The following SPTAN1 variants were observed in gnomAD, a reference collection of about 807,000 sequenced individuals.
The protein encoded by SPTAN1 is spectrin alpha, non-erythrocytic 1.
Under a neutral mutation model 331.3 loss-of-function variants are expected in SPTAN1, and 61 were observed. That is an observed-to-expected ratio of 0.18 (90% CI 0.15 to 0.23). SPTAN1 has a LOEUF of 0.23. SPTAN1 is among the 10% of genes least tolerant of loss of function. The probability of loss-of-function intolerance (pLI) is 1.00; values close to 1 mark genes in which losing one functional copy is unlikely to be tolerated. For missense variants in SPTAN1, 2,043 were observed against 3,147.9 expected (o/e 0.65, Z 8.40); for synonymous variants, 1,153 against 1,173.9 (o/e 0.98, Z 0.36).
chr9:128,629,985 C>G lies in SPTAN1; in HGVS notation c.6708-336C>G, dbSNP rs780506377. 6.0e-5 allele frequency: 25 copies of G among 419,962 alleles called. No individual in the cohort carries two copies. Among genetic ancestry groups the G allele is most frequent in the Non-Finnish European group, 1.0e-4 (22 of 216,446 alleles). The allele number at this position is 419,962 out of a possible 1,614,324, so 26.0% of individuals were successfully genotyped here. On this transcript the variant is annotated intron_variant, in intron 51 of 56. Coordinates refer to ENST00000372739, the MANE Select transcript of SPTAN1 (RefSeq NM_001130438.3). The surrounding 1 kb of genome is among the most constrained non-coding windows in gnomAD (Gnocchi z 4.9). ...GGGTGTGCCATCCCCCACATGGCTG[C>G]AGAGAGGATGCTCAGACAGGCCTGC...
At chr9:128,556,621 GAATCTTTTGCTTTCTTAAAGCT>G (rs1202274383) in intron 1 of SPTAN1, among the ~76,000 whole-genome samples, 5 of 152,212 alleles carry the variant, frequency 3.3e-5, no homozygotes, top group African/African-American at 4.8e-5. Flanking sequence ...AATGCAGTAT[GAATCTTTTGCTTTCTTAAAGCT>G]AAGTCCCTGC....
chr9:128,614,334 G>A (rs1208120705), intron 40 of SPTAN1, among the ~76,000 whole-genome samples: 1 of 152,142 alleles, frequency 6.6e-6, no homozygotes, highest in Non-Finnish European at 1.5e-5. Flanking sequence ...AGTCATGCCT[G>A]TAATCGTAGC....
rs1483477120 is a variant in SPTAN1 at position 128,577,595 on chromosome 9, C to T, written c.1085+89C>T. The T allele has an allele frequency of 1.9e-6, 3 of 1,561,606 alleles. No individual in the cohort carries two copies. The highest frequency in any genetic ancestry group is 1.8e-6 in the Non-Finnish European group (2 of 1,138,560). ...CAGAGTTAAGGGTCTGTTCTGTGTTCTGTGAAAGTGTCAGGTATCACCTAC... is the reference window on the plus strand; with the variant it reads ...CAGAGTTAAGGGTCTGTTCTGTGTTTTGTGAAAGTGTCAGGTATCACCTAC... On this transcript the variant is annotated intron_variant, in intron 8 of 56. Coordinates refer to ENST00000372739, the MANE Select transcript of SPTAN1 (RefSeq NM_001130438.3). This position sits in a 1 kb window ranked among gnomAD's most constrained non-coding sequence, Gnocchi z 4.2.
At chr9:128,594,038 T>G in intron 23 of SPTAN1, 137 bp from the exon 24 acceptor site, 1 of 805,982 alleles carries the variant, frequency 1.2e-6, no homozygotes, top group South Asian at 1.4e-5. Context: ...CTGATAACTC[T>G]GTTACTAGGG....
chr9:128,594,473 C>A, intron 24 of SPTAN1, 100 bp downstream of exon 24: 2 of 1,148,456 alleles, frequency 1.7e-6, no homozygotes, highest in Non-Finnish European at 1.2e-6. Context: ...CACTGTCATC[C>A]AAGCTGGAGT....
intron 20 of SPTAN1, among the ~76,000 whole-genome samples, chr9:128,588,556 C>T (rs1420994969): frequency 6.6e-6 from 1 of 152,060 alleles, no homozygotes; most frequent in East Asian, 1.9e-4. Flanking sequence ...GGTGATCTGC[C>T]TGCCTCAGCC....
Position 128,617,969 on chromosome 9 carries a change from C to G in SPTAN1, c.5479-18C>G. 1 of 1,614,184 alleles carries G rather than the reference C, an allele frequency of 6.2e-7. No homozygotes were observed. Among genetic ancestry groups the G allele is most frequent in the Non-Finnish European group, 8.5e-7 (1 of 1,180,028 alleles). ...AGAAGAGCTACCTGCTGTTAACCTC[C>G]TCGTCCTTGCCTGTCAGGGTGTCCT... On this transcript the variant is annotated intron_variant, in intron 42 of 56. Coordinates refer to ENST00000372739, the MANE Select transcript of SPTAN1 (RefSeq NM_001130438.3).
chr9:128,626,058 A>G (rs767728151), intron 48 of SPTAN1, 80 bp downstream of exon 48: 238 of 1,542,996 alleles, frequency 1.5e-4, no homozygotes, highest in Non-Finnish European at 2.1e-4. Flanking sequence ...CAGCTCTGCC[A>G]CTCCCCCTTG....
intron 56 of SPTAN1, 119 bp from the exon 57 acceptor site, chr9:128,633,090 G>A (rs1860073301): frequency 1.9e-6 from 3 of 1,593,804 alleles, no homozygotes; most frequent in Non-Finnish European, 8.6e-7. Context: ...AGTATGGACA[G>A]AAGTCCCGGA....
At position 128,624,086 on chromosome 9, in the gene SPTAN1, C is replaced by CAA. The variant is rs11444346; in HGVS notation, c.5833-217_5833-216dup. 3.7e-3 allele frequency among the ~76,000 whole-genome samples: 245 copies of CAA among 66,684 alleles called. 16 individuals carry two copies. The highest frequency in any genetic ancestry group is 6.7e-3 in the Non-Finnish European group (186 of 27,930). 43.7% of individuals were successfully genotyped at this position (66,684 alleles called of 152,430 possible). ...CGACGGAGTGAAATTCACTCCGTCT[C>CAA]AAAAAAAAAAAAAAAAAAAAAAAAA... On this transcript the variant is annotated intron_variant, in intron 45 of 56. Coordinates refer to ENST00000372739, the MANE Select transcript of SPTAN1 (RefSeq NM_001130438.3).
At chr9:128,580,774 A>G in intron 10 of SPTAN1, 148 bp from the exon 11 acceptor site, 1 of 1,013,864 alleles carries the variant, frequency 9.9e-7, no homozygotes, top group East Asian at 2.5e-5. Flanking sequence ...TGCACATACA[A>G]GTGAATGTTG....
At chr9:128,598,039 A>G (rs998185927) in intron 24 of SPTAN1, among the ~76,000 whole-genome samples, 2 of 144,406 alleles carry the variant, frequency 1.4e-5, no homozygotes, top group African/African-American at 2.6e-5. Flanking sequence ...ACCTCTGCCT[A>G]CCGGGTTCAA....
chr9:128,582,427 A>G, intron 12 of SPTAN1, 52 bp from the exon 13 acceptor site: 1 of 1,543,014 alleles, frequency 6.5e-7, no homozygotes, highest in Middle Eastern at 1.7e-4. Flanking sequence ...TCCAGAGGCC[A>G]AGCTTGGGAC....
chr9:128,630,483 G>A (rs903137042), intron 52 of SPTAN1, 108 bp downstream of exon 52: 7 of 1,114,730 alleles, frequency 6.3e-6, no homozygotes, highest in Admixed American at 5.3e-5. Context: ...TGCTATTATT[G>A]TACCCTTTTC....
intron 43 of SPTAN1, 97 bp from the exon 44 acceptor site, chr9:128,618,774 T>C (rs1857496873): frequency 6.3e-7 from 1 of 1,589,848 alleles, no homozygotes; most frequent in South Asian, 1.1e-5. Flanking sequence ...TGAGCCACCA[T>C]GCCCAGCTTT....
rs762172535 is a variant in SPTAN1 at position 128,607,906 on chromosome 9, T to A, written c.4201T>A (p.Phe1401Ile). The A allele has an allele frequency of 1.1e-5, 18 of 1,613,920 alleles. No individual in the cohort carries two copies. The South Asian group carries it at 2.0e-4, about 18-fold the overall frequency. ...RAGTFQAFEQ[F>I]GQQLLAHGHY... is the part of the protein sequence containing the mutation. ...TGGCACTTTCCAGGCATTTGAGCAG[T>A]TTGGACAGCAGCTGTTGGCTCACGG... is the stretch of plus-strand genomic sequence containing the variant. The change falls in exon 33 of 57, where the codon TTT (phenylalanine) becomes ATT (isoleucine). Residue 1401 changes from phenylalanine (F) to isoleucine (I), a missense_variant. Coordinates refer to ENST00000372739, the MANE Select transcript of SPTAN1 (RefSeq NM_001130438.3).
intron 41 of SPTAN1, 119 bp from the exon 42 acceptor site, chr9:128,617,521 G>T (rs1375345898): frequency 4.0e-6 from 6 of 1,488,758 alleles, no homozygotes; most frequent in Non-Finnish European, 5.6e-6. Context: ...CAGAAAACTG[G>T]CAAGGATTTT....
In SPTAN1 at chr9:128,583,860, A is replaced by T. The variant is rs774100497; in HGVS notation, c.2084A>T (p.Tyr695Phe). 1 of 1,614,224 alleles carries T rather than the reference A, an allele frequency of 6.2e-7. No homozygotes were observed. Among genetic ancestry groups the T allele is most frequent in the Non-Finnish European group, 8.5e-7 (1 of 1,180,040 alleles). Residue 695 changes from tyrosine to phenylalanine, a missense_variant, in exon 16 of 57, where the codon TAT (tyrosine) becomes TTT (phenylalanine). Transcript: ENST00000372739. ...GTTGAGGATATTGAATTGTGGCTAT[A>T]TGAAGTAGAAGGTCACTTGGCTTCG... ...RNVEDIELWL[Y>F]EVEGHLASDD... is the part of the protein sequence containing the mutation.
rs10760568 is a variant in SPTAN1, at chr9:128,626,915, G to C, written c.6576+228G>C. ...CTGTAGCCTCAACCTCCCAGGCTCA[G>C]GTGATCCTCTTGCCTGAGCCTCTTG... On this transcript the variant is annotated intron_variant, in intron 49 of 56. Coordinates refer to ENST00000372739, the MANE Select transcript of SPTAN1 (RefSeq NM_001130438.3). The C allele has an allele frequency of 0.81, 516,250 of 633,776 alleles. 217,094 individuals carry two copies. The highest frequency in any genetic ancestry group is 0.9 in the Non-Finnish European group (315,404 of 349,728). 39.3% of individuals were successfully genotyped at this position (633,776 alleles called of 1,614,324 possible). A position where few individuals can be genotyped will look rare whatever the true frequency, so the allele number is the denominator to read the frequency against.
Sources: allele counts gnomAD v4.1 joint callset (sites outside exome capture counted in the v4.1 genomes callset), GRCh38; gene constraint gnomAD v4.1.1; non-coding constraint Gnocchi (gnomAD v3.1); transcripts MANE v1.5; gene names NCBI Gene and HGNC (gene_info 2026-07-23, HGNC 2026-07-21).